Variants in UACA observed in about 807,000 individuals in gnomAD.
The protein encoded by UACA is nuclear membrane binding protein.
A neutral mutation model predicts 160.5 loss-of-function variants in UACA; 112 were observed. The ratio of observed to expected loss-of-function variants is 0.70; its 90% confidence interval spans 0.60 to 0.82. The LOEUF (loss-of-function observed/expected upper bound fraction) is 0.82. Ranked by LOEUF, UACA falls within the 40% of genes least tolerant of loss-of-function variation. UACA has a pLI of 0.00. For synonymous variants in UACA, 557 were observed against 568.4 expected, an observed-to-expected ratio of 0.98 and a Z score of 0.29; for missense variants, 1,574 against 1,614.6, an observed-to-expected ratio of 0.97 and a Z score of 0.43.
intron 1 of UACA, among the ~76,000 whole-genome samples, chr15:70,713,078 C>T (rs1378713420): frequency 1.3e-5 from 2 of 152,164 alleles, no homozygotes; most frequent in Non-Finnish European, 2.9e-5. Flanking sequence ...GGCGCAGTGG[C>T]TCACGCCTGT....
chr15:70,709,924 G>A (rs953771951), intron 1 of UACA, among the ~76,000 whole-genome samples: 9 of 152,084 alleles, frequency 5.9e-5, no homozygotes, highest in Admixed American at 3.9e-4. Flanking sequence ...GAGTCATCCC[G>A]AACAAAAGTA....
In UACA at chr15:70,668,933, A is replaced by G. The variant is rs762237342; in HGVS notation, c.1751T>C (p.Leu584Pro). ...VEEFKRDEGK[L>P]IEENKRLQKE... is the part of the protein sequence containing the mutation. ...CTGTAATCGCTTATTTTCTTCTATC[A>G]GCTTGCCTTCATCCCTCTTAAACTC... Residue 584 changes from leucine to proline, a missense_variant, in exon 16 of 19, where the codon CTG becomes CCG. By Grantham distance (98) the Leu-to-Pro change is moderately conservative (BLOSUM62 -3). Transcript: ENST00000322954. 6.2e-6 allele frequency: 10 copies of G among 1,613,524 alleles called. No individual in the cohort carries two copies. In the Middle Eastern group the frequency reaches 6.6e-4, roughly 107 times the overall value.
intron 1 of UACA, among the ~76,000 whole-genome samples, chr15:70,729,303 G>A (rs763954955): frequency 7.2e-5 from 11 of 152,064 alleles, no homozygotes; most frequent in Non-Finnish European, 1.3e-4. Context: ...ATCAAGAGTG[G>A]ACTGGAAAAA....
At chr15:70,757,234 A>G (rs1312769871) in intron 1 of UACA, among the ~76,000 whole-genome samples, 1 of 152,202 alleles carries the variant, frequency 6.6e-6, no homozygotes, top group Non-Finnish European at 1.5e-5. Flanking sequence ...CTGTATGACA[A>G]TAATCAAAAT....
Position 70,668,163 on chromosome 15 carries a change from T to C in UACA, c.2521A>G (p.Ile841Val). ...GTGTTTTCAGATGTGAGAGCGTGTA[T>C]TTTCTCCTGGTCTTCACCACATTTT... ...KKKCGEDQEK[I>V]HALTSENTNL... Residue 841 changes from isoleucine (I) to valine (V), a missense_variant, in exon 16 of 19, where the codon ATA becomes GTA. Transcript: ENST00000322954. The C allele has an allele frequency of 2.5e-6, 4 of 1,612,946 alleles. No individual in the cohort carries two copies. The highest frequency in any genetic ancestry group is 3.4e-6 in the Non-Finnish European group (4 of 1,179,792).
At chr15:70,691,928 T>C (rs1897953516) in intron 3 of UACA, among the ~76,000 whole-genome samples, 1 of 152,194 alleles carries the variant, frequency 6.6e-6, no homozygotes, top group Non-Finnish European at 1.5e-5. Flanking sequence ...AATGTGCATT[T>C]TAAAGGAAAT....
chr15:70,759,115 T>A (rs1469300236), intron 1 of UACA, among the ~76,000 whole-genome samples: 1 of 152,146 alleles, frequency 6.6e-6, no homozygotes, highest in Non-Finnish European at 1.5e-5. Flanking sequence ...GCTCAAGCAA[T>A]CCAATTTAAA....
the UACA span, among the ~76,000 whole-genome samples, chr15:70,775,814 T>C: frequency 6.6e-6 from 1 of 152,140 alleles, no homozygotes; most frequent in African/African-American, 2.4e-5. Flanking sequence ...GCCTGAGAAG[T>C]TGGTATTGAT....
intron 1 of UACA, among the ~76,000 whole-genome samples, chr15:70,755,719 C>CAAA (rs2030385769): frequency 1.3e-5 from 2 of 152,024 alleles, no homozygotes; most frequent in African/African-American, 4.8e-5. Context: ...TTACCACAAT[C>CAAA]CCCAAGCTGC....
chr15:70,727,871 G>A (rs1899194071), intron 1 of UACA, among the ~76,000 whole-genome samples: 1 of 152,034 alleles, frequency 6.6e-6, no homozygotes, highest in African/African-American at 2.4e-5. Flanking sequence ...TTGAAAGTAG[G>A]GCCTCTTCAC....
intron 1 of UACA, among the ~76,000 whole-genome samples, chr15:70,700,021 A>G (rs959600588): frequency 6.6e-6 from 1 of 152,100 alleles, no homozygotes; most frequent in Non-Finnish European, 1.5e-5. Context: ...AACTAAAATT[A>G]TCATCTCCAT....
chr15:70,680,689 C>T (rs1427239759), intron 9 of UACA, among the ~76,000 whole-genome samples: 1 of 152,160 alleles, frequency 6.6e-6, no homozygotes, highest in Non-Finnish European at 1.5e-5. Context: ...TCACCCACTG[C>T]CTCCACTATA....
chr15:70,689,413 T>C (rs542925081), intron 5 of UACA, among the ~76,000 whole-genome samples: 1 of 152,274 alleles, frequency 6.6e-6, no homozygotes, highest in African/African-American at 2.4e-5. Context: ...ATAAAATATA[T>C]GGTTAACTTA....
intron 1 of UACA, among the ~76,000 whole-genome samples, chr15:70,712,066 A>C (rs569518966): frequency 1.3e-5 from 2 of 149,438 alleles, no homozygotes; most frequent in Non-Finnish European, 3.0e-5. Context: ...ATATATATAT[A>C]TCTCCATATA....
chr15:70,765,677 C>T (rs1043236178), upstream of UACA, among the ~76,000 whole-genome samples: 7 of 152,170 alleles, frequency 4.6e-5, no homozygotes, highest in African/African-American at 1.4e-4. Context: ...TTGATGCATT[C>T]TTATTGACTA....
At chr15:70,725,655 T>A (rs1240210409) in intron 1 of UACA, among the ~76,000 whole-genome samples, 1 of 152,182 alleles carries the variant, frequency 6.6e-6, no homozygotes, top group Non-Finnish European at 1.5e-5. Flanking sequence ...CAGATAGAAC[T>A]GTGATCTTAT....
At chr15:70,723,717 C>T (rs1363178357) in intron 1 of UACA, among the ~76,000 whole-genome samples, 1 of 151,022 alleles carries the variant, frequency 6.6e-6, no homozygotes, top group African/African-American at 2.4e-5. Flanking sequence ...ACTGCAAGTT[C>T]CGCCTCCCAG....
At chr15:70,753,457 G>A (rs922547725) in intron 1 of UACA, among the ~76,000 whole-genome samples, 5 of 152,118 alleles carry the variant, frequency 3.3e-5, no homozygotes, top group African/African-American at 1.2e-4. Flanking sequence ...TATGGCTTAA[G>A]GTGTAAATCC....
In UACA at chr15:70,657,029, A is replaced by AC; in HGVS notation, c.*26dup. 6.2e-7 allele frequency: 1 copy of AC among 1,605,400 alleles called. No individual in the cohort carries two copies. Among genetic ancestry groups the AC allele is most frequent in the Middle Eastern group, 1.7e-4 (1 of 6,052 alleles). ...GAATGTTCAGCACCAGCAAGATAAA[A>AC]CAGATACTGGCAGTCAGTGCTAACG... On this transcript the variant is annotated 3_prime_UTR_variant, in exon 19 of 19. Transcript: ENST00000322954.
Sources: gnomAD v4.1 joint callset for allele counts (sites outside exome capture counted in the v4.1 genomes callset) on GRCh38, gnomAD v4.1.1 for gene constraint, MANE v1.5 for transcripts, NCBI Gene and HGNC (gene_info 2026-07-23, HGNC 2026-07-21) for gene names.